The following PCDHGA2 variants were observed in gnomAD, a reference collection of about 807,000 sequenced individuals.
PCDHGA2 encodes the protein protocadherin gamma-A2.
A neutral mutation model predicts 59.2 loss-of-function variants in PCDHGA2; 40 were observed. That is an observed-to-expected ratio of 0.68 (90% CI 0.52 to 0.88). The LOEUF is 0.88. Ranked by LOEUF, PCDHGA2 falls within the 40% of genes least tolerant of loss-of-function variation. The pLI, the probability that PCDHGA2 is intolerant of heterozygous loss-of-function variation, is 0.00. For synonymous variants in PCDHGA2, 560 were observed against 526.0 expected (o/e 1.06, Z -0.89); for missense variants, 1,226 against 1,204.0 (o/e 1.02, Z -0.27).
In PCDHGA2 at chr5:141,371,048, C is replaced by T. The variant is rs1458695026; in HGVS notation, c.2424+29653C>T. 2.5e-6 allele frequency: 4 copies of T among 1,613,772 alleles called. No homozygotes were observed. In the Admixed American group the frequency reaches 6.7e-5, roughly 27 times the overall value. On this transcript the variant is annotated intron_variant, in intron 1 of 3. Coordinates refer to ENST00000394576, the MANE Select transcript of PCDHGA2 (RefSeq NM_018915.4). ...TGGTCCTCACAGCTGTGGATGGGGG[C>T]GAGCCCTCCAGAAGCTGTACCACCC...
At chr5:141,367,992 G>T (rs973749117) in intron 1 of PCDHGA2, among the ~76,000 whole-genome samples, 1 of 152,088 alleles carries the variant, frequency 6.6e-6, no homozygotes, top group Non-Finnish European at 1.5e-5. Context: ...TAATAGATTT[G>T]TCTTAATGAA....
At chr5:141,382,164 T>A (rs938169976) in intron 1 of PCDHGA2, among the ~76,000 whole-genome samples, 5 of 152,100 alleles carry the variant, frequency 3.3e-5, no homozygotes, top group Non-Finnish European at 5.9e-5. Context: ...AATGAAGGTG[T>A]TAGACCGTCT....
chr5:141,374,903 C>T, intron 1 of PCDHGA2: 5 of 1,613,798 alleles, frequency 3.1e-6, no homozygotes, highest in Non-Finnish European at 4.2e-6. Flanking sequence ...TGAAGGAGTC[C>T]ACGGGGAAGT....
intron 1 of PCDHGA2, chr5:141,418,830 G>A (rs371820904): frequency 1.2e-6 from 2 of 1,613,976 alleles, no homozygotes; most frequent in Non-Finnish European, 1.7e-6. Flanking sequence ...GCAAAAGACC[G>A]AGGATCTCTC....
chr5:141,376,347 A>T (rs1218451115), intron 1 of PCDHGA2: 1 of 1,614,056 alleles, frequency 6.2e-7, no homozygotes. Context: ...ACCTATTCCC[A>T]CGAGGTCTCA....
chr5:141,426,369 A>G, intron 1 of PCDHGA2: 1 of 205,906 alleles, frequency 4.9e-6, no homozygotes, highest in Non-Finnish European at 1.0e-5. Context: ...TCTGCGGGGC[A>G]CCCTCGGAGC....
intron 1 of PCDHGA2, chr5:141,426,867 G>A (rs1436078091): frequency 4.4e-6 from 2 of 456,708 alleles, no homozygotes; most frequent in Non-Finnish European, 8.8e-6. Flanking sequence ...ATTAGTGCTG[G>A]AGAAGCCCCT....
At chr5:141,392,649 C>T in intron 1 of PCDHGA2, 1 of 703,200 alleles carries the variant, frequency 1.4e-6, no homozygotes, top group South Asian at 2.2e-5. Flanking sequence ...CACGAAGACC[C>T]GCAGATGCCA....
chr5:141,395,589 T>C (rs1254958503), intron 1 of PCDHGA2: 2 of 194,644 alleles, frequency 1.0e-5, no homozygotes, highest in Admixed American at 1.2e-4. Context: ...TGTGTGTGTG[T>C]GTATCCCAAA....
intron 1 of PCDHGA2, among the ~76,000 whole-genome samples, chr5:141,348,418 G>A (rs1041467731): frequency 6.6e-6 from 1 of 152,046 alleles, no homozygotes; most frequent in Non-Finnish European, 1.5e-5. Flanking sequence ...AAAAAGGCAC[G>A]TAACTTTTAA....
chr5:141,485,689 G>A lies in PCDHGA2; in HGVS notation c.2425-9118G>A. On this transcript the variant is annotated intron_variant, in intron 1 of 3. Transcript: ENST00000394576. This position sits in a 1 kb window ranked among gnomAD's most constrained non-coding sequence, Gnocchi z 5.7. ...GCAATTCGATTAGCAGCTATAGGCT[G>A]AGCTCCAATGAACACTTTGCACTGG... The A allele has an allele frequency of 6.2e-7, 1 of 1,614,086 alleles. No individual in the cohort carries two copies. The highest frequency in any genetic ancestry group is 8.5e-7 in the Non-Finnish European group (1 of 1,179,970).
At position 141,386,477 on chromosome 5, in the gene PCDHGA2, G is replaced by A. The variant is rs78371655; in HGVS notation, c.2424+45082G>A. ...GACAGCTTGAACCCAAGAATTGGAG[G>A]CCCACCTAGATAATATAACAAGACT... is the stretch of plus-strand genomic sequence containing the variant. On this transcript the variant is annotated intron_variant, in intron 1 of 3. Coordinates refer to ENST00000394576, the MANE Select transcript of PCDHGA2 (RefSeq NM_018915.4). Among the ~76,000 whole-genome samples the A allele has an allele frequency of 2.5e-3, 384 of 151,668 alleles. 1 individual carries two copies. Among genetic ancestry groups the A allele is most frequent in the African/African-American group, 8.8e-3 (362 of 41,292 alleles).
intron 1 of PCDHGA2, chr5:141,342,555 T>C (rs1757179058): frequency 6.6e-6 from 1 of 152,252 alleles, no homozygotes; most frequent in Admixed American, 6.5e-5. Context: ...AAAAATTTTC[T>C]GAGACAAGGT....
chr5:141,345,154 G>A (rs761130659), intron 1 of PCDHGA2: 3 of 1,613,886 alleles, frequency 1.9e-6, no homozygotes, highest in African/African-American at 2.7e-5. Flanking sequence ...GTGCATGACC[G>A]AGATTCTGGG....
Position 141,487,650 on chromosome 5 carries a change from G to A in PCDHGA2, c.2425-7157G>A. On this transcript the variant is annotated intron_variant, in intron 1 of 3. Transcript: ENST00000394576. The surrounding 1 kb of genome is among the most constrained non-coding windows in gnomAD (Gnocchi z 5.0). ...TTGCAGGCTCAACAAATGCTTGAGGGTTATTCTGATCCAGGCATATGGCTA... is the reference window on the plus strand; with the variant it reads ...TTGCAGGCTCAACAAATGCTTGAGGATTATTCTGATCCAGGCATATGGCTA... 1 of 1,613,994 alleles carries A rather than the reference G, an allele frequency of 6.2e-7. No individual in the cohort carries two copies. Among genetic ancestry groups the A allele is most frequent in the Non-Finnish European group, 8.5e-7 (1 of 1,179,954 alleles).
intron 1 of PCDHGA2, chr5:141,409,809 A>G: frequency 1.2e-6 from 2 of 1,611,542 alleles, no homozygotes; most frequent in Non-Finnish European, 1.7e-6. Context: ...CAGGCCCGCG[A>G]CCACGGCTCG....
intron 1 of PCDHGA2, chr5:141,361,442 T>A: frequency 6.2e-7 from 1 of 1,613,990 alleles, no homozygotes. Context: ...TCCTCCAGCA[T>A]AATTGTCACC....
chr5:141,420,454 TATTCAAAGAC>T, intron 1 of PCDHGA2: 1 of 968,104 alleles, frequency 1.0e-6, no homozygotes, highest in Admixed American at 3.7e-5. Context: ...GTCTTCCTAC[TATTCAAAGAC>T]ATTTTAAAGC....
intron 1 of PCDHGA2, chr5:141,385,278 A>G (rs776235211): frequency 7.4e-6 from 12 of 1,613,478 alleles, no homozygotes; most frequent in Non-Finnish European, 1.0e-5. Flanking sequence ...CTTTGCTAAC[A>G]TCCGTAGATT....
Sources: gnomAD v4.1 joint callset for allele counts (sites outside exome capture counted in the v4.1 genomes callset) on GRCh38, gnomAD v4.1.1 for gene constraint, Gnocchi (gnomAD v3.1) non-coding constraint, MANE v1.5 for transcripts, NCBI Gene and HGNC (gene_info 2026-07-23, HGNC 2026-07-21) for gene names.